Variants in SPAST observed in about 807,000 individuals in gnomAD.
SPAST encodes the protein spastin.
A neutral mutation model predicts 76.6 loss-of-function variants in SPAST; 30 were observed. That is an observed-to-expected ratio of 0.39 (90% CI 0.29 to 0.53). The LOEUF is 0.53. Among genes scored for constraint, SPAST ranks in the 20% least tolerant of loss-of-function variants. The pLI, the probability that SPAST is intolerant of heterozygous loss-of-function variation, is 0.68. For missense variants in SPAST, 717 were observed against 770.5 expected (o/e 0.93, Z 0.82); for synonymous variants, 305 against 281.0 (o/e 1.09, Z -0.86).
chr2:32,141,985 G>A, intron 13 of SPAST, 39 bp downstream of exon 13: 1 of 1,492,846 alleles, frequency 6.7e-7, no homozygotes. Context: ...TTTTAGAGCA[G>A]AAACAAGAAC....
At chr2:32,139,206 G>GT in intron 12 of SPAST, among the ~76,000 whole-genome samples, 1 of 152,204 alleles carries the variant, frequency 6.6e-6, no homozygotes, top group Admixed American at 6.5e-5. Context: ...AACATTGATA[G>GT]TTTGATAGAA....
rs938814867 is a variant in SPAST at position 32,156,493 on chromosome 2, G to C, written c.*1997G>C. ...TTTTTCAAGCCAGAGCTATGCATAT[G>C]TTAGGTGATGGGTAGTATCCCTTTA... On this transcript the variant is annotated 3_prime_UTR_variant, in exon 17 of 17. Coordinates refer to ENST00000315285, the MANE Select transcript of SPAST (RefSeq NM_014946.4). 1.3e-4 allele frequency: 20 copies of C among 152,062 alleles called. No individual in the cohort carries two copies. Among genetic ancestry groups the C allele is most frequent in the African/African-American group, 4.8e-4 (20 of 41,416 alleles). 9.4% of individuals were successfully genotyped at this position (152,062 alleles called of 1,614,324 possible). A position where few individuals can be genotyped will look rare whatever the true frequency, so the allele number is the denominator to read the frequency against.
intron 1 of SPAST, among the ~76,000 whole-genome samples, chr2:32,084,309 C>T (rs1015669942): frequency 1.3e-5 from 2 of 150,610 alleles, no homozygotes; most frequent in Non-Finnish European, 3.0e-5. Flanking sequence ...TACAGGCGCC[C>T]GCCACCATGC....
intron 7 of SPAST, among the ~76,000 whole-genome samples, chr2:32,118,052 A>G (rs2148736232): frequency 6.6e-6 from 1 of 152,308 alleles, no homozygotes. Context: ...TGCTGTTCCA[A>G]TAATATTGCA....
intron 1 of SPAST, among the ~76,000 whole-genome samples, chr2:32,081,449 A>C (rs1471817646): frequency 6.6e-6 from 1 of 152,144 alleles, no homozygotes; most frequent in Admixed American, 6.6e-5. Context: ...ATCTTTTGCC[A>C]CAGCTTCTCC....
chr2:32,064,838 C>T (rs1676444686), intron 1 of SPAST, among the ~76,000 whole-genome samples: 1 of 152,102 alleles, frequency 6.6e-6, no homozygotes, highest in African/African-American at 2.4e-5. Context: ...TAAAACTTTT[C>T]CCCCTGTTGC....
At chr2:32,107,719 C>T (rs756444996) in intron 4 of SPAST, among the ~76,000 whole-genome samples, 3 of 152,114 alleles carry the variant, frequency 2.0e-5, no homozygotes, top group South Asian at 2.1e-4. Flanking sequence ...CCAAGCATTT[C>T]GCATAAGGGA....
At chr2:32,115,186 G>C (rs1169423536) in intron 5 of SPAST, among the ~76,000 whole-genome samples, 1 of 152,012 alleles carries the variant, frequency 6.6e-6, no homozygotes, top group Non-Finnish European at 1.5e-5. Flanking sequence ...GACCTCAGGT[G>C]ATCCGCCTGC....
intron 7 of SPAST, among the ~76,000 whole-genome samples, chr2:32,125,996 C>T (rs1055321703): frequency 2.0e-5 from 3 of 152,064 alleles, no homozygotes; most frequent in African/African-American, 7.2e-5. Context: ...GGGGTTTCAT[C>T]GTGTTAGCCA....
intron 1 of SPAST, among the ~76,000 whole-genome samples, 159 bp downstream of exon 1, chr2:32,064,405 ATCT>A (rs1176060657): frequency 1.3e-5 from 2 of 152,142 alleles, no homozygotes; most frequent in Admixed American, 6.5e-5. Context: ...TCGGAGCCTC[ATCT>A]TCTAGTATTC....
At chr2:32,125,342 A>G (rs1015874279) in intron 7 of SPAST, among the ~76,000 whole-genome samples, 8 of 151,888 alleles carry the variant, frequency 5.3e-5, no homozygotes, top group South Asian at 2.1e-4. Flanking sequence ...TCATGCCTCA[A>G]CCTCCCGAGT....
chr2:32,135,380 C>T (rs1159848546), intron 9 of SPAST, among the ~76,000 whole-genome samples: 2 of 150,732 alleles, frequency 1.3e-5, no homozygotes, highest in Non-Finnish European at 1.5e-5. Context: ...CCGCCCGCCT[C>T]AGCCTCCCAA....
chr2:32,097,148 A>G (rs1411427276), intron 3 of SPAST, among the ~76,000 whole-genome samples: 2 of 152,182 alleles, frequency 1.3e-5, no homozygotes, highest in African/African-American at 2.4e-5. Flanking sequence ...ATTCAGCACA[A>G]TACTCCACTT....
At chr2:32,142,686 G>A (rs946397612) in intron 13 of SPAST, among the ~76,000 whole-genome samples, 3 of 152,108 alleles carry the variant, frequency 2.0e-5, no homozygotes, top group African/African-American at 4.8e-5. Flanking sequence ...ATGAGTCACC[G>A]TGCCCGGCCA....
chr2:32,135,582 A>G (rs1329133438), intron 9 of SPAST, among the ~76,000 whole-genome samples: 1 of 152,152 alleles, frequency 6.6e-6, no homozygotes, highest in East Asian at 1.9e-4. Context: ...GGTGTATAAA[A>G]TGGCCTTTGT....
chr2:32,121,309 C>T (rs967926729), intron 7 of SPAST, among the ~76,000 whole-genome samples: 4 of 151,652 alleles, frequency 2.6e-5, no homozygotes, highest in Admixed American at 6.6e-5. Context: ...TCTGCCACCA[C>T]GCCCAGCTAA....
intron 4 of SPAST, among the ~76,000 whole-genome samples, chr2:32,110,982 T>C (rs1194421053): frequency 5.6e-3 from 3 of 538 alleles, no homozygotes; most frequent in African/African-American, 0.022. Flanking sequence ...TACTATATCG[T>C]GTGTATAGAG....
intron 3 of SPAST, among the ~76,000 whole-genome samples, chr2:32,089,913 G>A (rs369083419): frequency 7.2e-5 from 11 of 152,070 alleles, no homozygotes; most frequent in East Asian, 1.9e-4. Context: ...ACAGGCACCC[G>A]CCACCACGCC....
At chr2:32,076,162 A>G (rs1043949578) in intron 1 of SPAST, among the ~76,000 whole-genome samples, 5 of 151,932 alleles carry the variant, frequency 3.3e-5, no homozygotes, top group African/African-American at 7.3e-5. Context: ...TGGCCTCCCA[A>G]AGTGCTAGGA....
Sources: allele counts gnomAD v4.1 joint callset (sites outside exome capture counted in the v4.1 genomes callset), GRCh38; gene constraint gnomAD v4.1.1; transcripts MANE v1.5; gene names NCBI Gene and HGNC (gene_info 2026-07-23, HGNC 2026-07-21).